ARHGEF10: variants seen among roughly 807,000 people sequenced by gnomAD.
ARHGEF10 encodes Rho guanine nucleotide exchange factor (GEF) 10.
ARHGEF10 carries 140 observed loss-of-function variants against 147.4 expected under a neutral mutation model. The observed-to-expected ratio is 0.95, with a 90% CI of 0.83 to 1.09. The LOEUF (loss-of-function observed/expected upper bound fraction) is 1.09, where lower values mean the gene tolerates loss of function less well. Among genes scored for constraint, ARHGEF10 ranks in the 50% least tolerant of loss-of-function variants. The pLI, the probability that ARHGEF10 is intolerant of heterozygous loss-of-function variation, is 0.00. For synonymous variants in ARHGEF10, 902 were observed against 695.8 expected, an observed-to-expected ratio of 1.30 and a Z score of -4.67; for missense variants, 2,222 against 1,752.7, an observed-to-expected ratio of 1.27 and a Z score of -4.78.
At chr8:1,903,200 G>A (rs1472447313) in intron 15 of ARHGEF10, 81 bp from the exon 16 acceptor site, 7 of 1,547,902 alleles carry the variant, frequency 4.5e-6, no homozygotes, top group Non-Finnish European at 6.2e-6. Flanking sequence ...CCTTTCCATT[G>A]TCAGCTGGCG....
chr8:1,873,641 T>C (rs1183968221), intron 7 of ARHGEF10, among the ~76,000 whole-genome samples: 2 of 128,562 alleles, frequency 1.6e-5, no homozygotes, highest in African/African-American at 3.2e-5. Flanking sequence ...ATTTCCTAGT[T>C]GCCTTGAGAG....
rs1383234986 is a variant in ARHGEF10 at position 1,833,343 on chromosome 8, GACAGA to G, written c.-48+9231_-48+9235del. 1.7e-3 allele frequency among the ~76,000 whole-genome samples: 190 copies of G among 114,542 alleles called. 2 individuals carry two copies. Among genetic ancestry groups the G allele is most frequent in the African/African-American group, 4.7e-3 (134 of 28,616 alleles). 75.1% of individuals were successfully genotyped at this position (114,542 alleles called of 152,430 possible). On this transcript the variant is annotated intron_variant, in intron 1 of 28. Coordinates refer to ENST00000349830, the MANE Select transcript of ARHGEF10 (RefSeq NM_014629.4). ...AGAGGGAGACAGAGACAGAGGCAGA[GACAGA>G]GGCAGAGAGAGACAGAGGCAGAGAC...
intron 18 of ARHGEF10, among the ~76,000 whole-genome samples, chr8:1,912,291 G>A (rs1025937329): frequency 2.0e-4 from 30 of 152,240 alleles, no homozygotes; most frequent in Non-Finnish European, 2.9e-4. Flanking sequence ...GAAGCTCGCC[G>A]TCCCTGCAAA....
In ARHGEF10 at chr8:1,956,901, A is replaced by G; in HGVS notation, c.3673A>G (p.Ser1225Gly). Residue 1225 changes from serine (S) to glycine (G), a missense_variant, in exon 29 of 29, where the codon AGT becomes GGT. Physicochemically the swap from Ser to Gly is moderately conservative, Grantham distance 56 (BLOSUM62 0). Coordinates refer to ENST00000349830, the MANE Select transcript of ARHGEF10 (RefSeq NM_014629.4). ...CGAAGACCAGAAGGACGCACTTCCG[A>G]GTGGAGGAGCTGGTTCATCTCTGAG... ...QDEDQKDALP[S>G]GGAGSSLSQG... 1 of 1,614,026 alleles carries G rather than the reference A, an allele frequency of 6.2e-7. No individual in the cohort carries two copies.
rs981135843 is a variant in ARHGEF10 at position 1,840,925 on chromosome 8, C to T, written c.-47-2428C>T. Among the ~76,000 whole-genome samples, 2 of 152,186 alleles carry T rather than the reference C, an allele frequency of 1.3e-5. 1 individual carries two copies. The highest frequency in any genetic ancestry group is 1.3e-4 in the Admixed American group (2 of 15,286). The stretch of plus-strand genomic sequence containing the variant: ...GGGTGCGCTGGCCGGCACTCGGACC[C>T]TGTCTTGCTGCACAGAAAGCTCACC... On this transcript the variant is annotated intron_variant, in intron 1 of 28. Transcript: ENST00000349830.
At position 1,893,632 on chromosome 8, in the gene ARHGEF10, A is replaced by T; in HGVS notation, c.1246A>T (p.Lys416Ter). 1 of 1,612,498 alleles carries T rather than the reference A, an allele frequency of 6.2e-7. No homozygotes were observed. Residue 416 changes from lysine to a stop codon, truncating the protein, a stop_gained, in exon 12 of 29, where the codon AAG (lysine) becomes TAG (stop). Transcript: ENST00000349830. LOFTEE classifies it high-confidence loss of function. Reference sequence around the variant, plus strand: ...TGAAAAGAACTACGTAGATGCTCTTAAGAGGATTTTGGAGGTACTTAAGTG... The same window carrying T: ...TGAAAAGAACTACGTAGATGCTCTTTAGAGGATTTTGGAGGTACTTAAGTG... ...DSEKNYVDAL[K>*]RILEQYEKPL...
At chr8:1,909,512 G>A (rs747904746) in intron 18 of ARHGEF10, 42 bp downstream of exon 18, 27 of 1,610,758 alleles carry the variant, frequency 1.7e-5, no homozygotes, top group Non-Finnish European at 2.0e-5. Flanking sequence ...TGGGGCCAGG[G>A]TAACTCTCAC....
chr8:1,945,213 C>G (rs1041568775), intron 26 of ARHGEF10, among the ~76,000 whole-genome samples: 3 of 152,226 alleles, frequency 2.0e-5, no homozygotes, highest in Non-Finnish European at 4.4e-5. Context: ...CTTTAGGACA[C>G]AAGCTCAGTG....
rs762024871 is a variant in ARHGEF10, at chr8:1,859,912, C to T, written c.209C>T (p.Ala70Val). 7 of 1,614,130 alleles carry T rather than the reference C, an allele frequency of 4.3e-6. No homozygotes were observed. The highest frequency in any genetic ancestry group is 5.9e-6 in the Non-Finnish European group (7 of 1,180,024). ...GCATCCCCAGGAGGTGAGGATGGAG[C>T]TGGAGCAGAAACCACCCCAGTGGCA... is the stretch of plus-strand genomic sequence containing the variant. Reference protein sequence around the residue: ...APAPTGGEDGAGAETTPVAEP... With the variant: ...APAPTGGEDGVGAETTPVAEP... The change falls in exon 4 of 29, where the codon GCT becomes GTT. Residue 70 changes from alanine (A) to valine (V), a missense_variant. Physicochemically the swap from Ala to Val is moderately conservative, Grantham distance 64 (BLOSUM62 0). Coordinates refer to ENST00000349830, the MANE Select transcript of ARHGEF10 (RefSeq NM_014629.4).
chr8:1,914,665 T>C (rs1431868943), intron 18 of ARHGEF10, among the ~76,000 whole-genome samples: 1 of 152,258 alleles, frequency 6.6e-6, no homozygotes, highest in Non-Finnish European at 1.5e-5. Context: ...AAAATGCCTC[T>C]GTGCTCCATT....
At chr8:1,878,040 C>G (rs904881277) in intron 8 of ARHGEF10, among the ~76,000 whole-genome samples, 7 of 152,060 alleles carry the variant, frequency 4.6e-5, no homozygotes, top group Admixed American at 1.3e-4. Flanking sequence ...GAACCTGGCT[C>G]GTGAAACTCA....
intron 26 of ARHGEF10, among the ~76,000 whole-genome samples, chr8:1,939,735 T>A (rs2129255914): frequency 6.6e-6 from 1 of 152,322 alleles, no homozygotes; most frequent in South Asian, 2.1e-4. Flanking sequence ...CCCAAGGGGC[T>A]GCTGGAAGCA....
intron 7 of ARHGEF10, among the ~76,000 whole-genome samples, chr8:1,872,810 G>C (rs947351663): frequency 6.6e-6 from 1 of 152,212 alleles, no homozygotes; most frequent in African/African-American, 2.4e-5. Flanking sequence ...GTTTTGGGCA[G>C]TTACATACCG....
chr8:1,924,706 G>T (rs561761122), intron 21 of ARHGEF10, among the ~76,000 whole-genome samples: 1 of 152,296 alleles, frequency 6.6e-6, no homozygotes, highest in East Asian at 1.9e-4. Flanking sequence ...TTCAGGTCAG[G>T]TTCAGAGTGA....
At chr8:1,904,326 CTG>C in intron 16 of ARHGEF10, 1 of 152,154 alleles carries the variant, frequency 6.6e-6, no homozygotes, top group South Asian at 2.1e-4. Context: ...TTTGTATGAA[CTG>C]TGTTAAGTTA....
intron 16 of ARHGEF10, chr8:1,903,868 A>C: frequency 3.9e-6 from 1 of 257,664 alleles, no homozygotes; most frequent in East Asian, 1.1e-4. Context: ...CTGAGGTGGG[A>C]AGATCGCTGG....
intron 11 of ARHGEF10, among the ~76,000 whole-genome samples, chr8:1,889,396 A>G (rs1181912233): frequency 3.2e-5 from 2 of 61,926 alleles, no homozygotes; most frequent in Non-Finnish European, 5.9e-5. Flanking sequence ...CAGTGATGTG[A>G]GGCATCTGTG....
chr8:1,826,720 C>T (rs1296748776), intron 1 of ARHGEF10, among the ~76,000 whole-genome samples: 1 of 152,166 alleles, frequency 6.6e-6, no homozygotes, highest in Non-Finnish European at 1.5e-5. Flanking sequence ...TGTAAGAAAG[C>T]GCTGTTGTAG....
At chr8:1,905,755 C>G (rs1366079986) in intron 17 of ARHGEF10, 39 bp downstream of exon 17, 2 of 1,609,402 alleles carry the variant, frequency 1.2e-6, no homozygotes, top group South Asian at 2.2e-5. Context: ...CTACCATCAT[C>G]ACATGTTACC....
Sources: gnomAD v4.1 joint callset for allele counts (sites outside exome capture counted in the v4.1 genomes callset) on GRCh38, gnomAD v4.1.1 for gene constraint, MANE v1.5 for transcripts, NCBI Gene and HGNC (gene_info 2026-07-23, HGNC 2026-07-21) for gene names.